Variants in FHL2 observed in about 807,000 individuals in gnomAD.
FHL2 encodes four and a half LIM domains 2.
In FHL2, 20 loss-of-function variants were observed where a neutral mutation model predicts 32.7. The ratio of observed to expected loss-of-function variants is 0.61; its 90% CI spans 0.43 to 0.89. The LOEUF (loss-of-function observed/expected upper bound fraction) is 0.89, where lower values mean the gene tolerates loss of function less well. FHL2 is among the 40% of genes least tolerant of loss of function. FHL2 has a pLI of 0.00. For synonymous variants in FHL2, 123 were observed against 128.1 expected, an observed-to-expected ratio of 0.96 and a Z score of 0.27; for missense variants, 311 against 358.6, an observed-to-expected ratio of 0.87 and a Z score of 1.07.
At chr2:105,438,410 G>A (rs1684677676) in exon 1 of FHL2, 2 of 985,476 alleles carry the variant, frequency 2.0e-6, no homozygotes, top group Non-Finnish European at 2.4e-6. Context: ...TGTGGTTTTA[G>A]GGTTCTGTCT....
chr2:105,425,315 T>A (rs1188519421), intron 1 of FHL2, among the ~76,000 whole-genome samples: 1 of 152,112 alleles, frequency 6.6e-6, no homozygotes, highest in Non-Finnish European at 1.5e-5. Context: ...TCATTGCCAT[T>A]CTCTAGTCTC....
intron 3 of FHL2, among the ~76,000 whole-genome samples, chr2:105,382,382 A>G (rs1253571719): frequency 6.6e-6 from 1 of 152,204 alleles, no homozygotes; most frequent in Non-Finnish European, 1.5e-5. Flanking sequence ...GGCTGCAGGT[A>G]GCAGGTGGCA....
At position 105,367,720 on chromosome 2, in the gene FHL2, G is replaced by A. The variant is rs1553415161; in HGVS notation, c.351C>T (p.Tyr117=). ...TIMPGTRKME[Y]KGSSWHETCF... ...AGGTCTCATGCCAGCTGCTGCCCTT[G>A]TACTCCATCTTGCGGGTACCTGTCA... The change falls in exon 5 of 7, where the codon TAC becomes TAT. Residue 117 remains tyrosine (Y), a synonymous_variant. Transcript: ENST00000530340. 2.5e-6 allele frequency: 4 copies of A among 1,614,040 alleles called. No homozygotes were observed. Among genetic ancestry groups the A allele is most frequent in the Non-Finnish European group, 2.5e-6 (3 of 1,179,946 alleles).
chr2:105,424,230 G>T (rs567184603), intron 1 of FHL2, among the ~76,000 whole-genome samples: 4 of 152,066 alleles, frequency 2.6e-5, no homozygotes, highest in Non-Finnish European at 5.9e-5. Flanking sequence ...ATGAACAGAC[G>T]CTTCTCAAAA....
chr2:105,360,214 A>G (rs541924182), downstream of FHL2: 1 of 151,236 alleles, frequency 6.6e-6, no homozygotes, highest in Non-Finnish European at 1.5e-5. Context: ...GGGCAGGAGA[A>G]TCGCTTGAAC....
At chr2:105,402,237 G>GTC (rs1683498062), upstream of FHL2, among the ~76,000 whole-genome samples, 1 of 143,784 alleles carries the variant, frequency 7.0e-6, no homozygotes, top group African/African-American at 2.7e-5. Flanking sequence ...ATATATATAT[G>GTC]TGTGTGTGTG....
intron 2 of FHL2, among the ~76,000 whole-genome samples, chr2:105,387,926 C>CA (rs1239370637): frequency 6.6e-6 from 1 of 152,048 alleles, no homozygotes; most frequent in Non-Finnish European, 1.5e-5. Flanking sequence ...TATGCAGCCA[C>CA]AAAAAAGAAT....
chr2:105,416,809 C>T (rs941736948), intron 1 of FHL2, among the ~76,000 whole-genome samples: 2 of 152,192 alleles, frequency 1.3e-5, no homozygotes, highest in Non-Finnish European at 2.9e-5. Flanking sequence ...CTAATTTTCA[C>T]CTGAAAACTC....
At chr2:105,399,761 A>AG, upstream of FHL2, 3 of 800,102 alleles carry the variant, frequency 3.7e-6, no homozygotes, top group South Asian at 5.6e-5. Flanking sequence ...GCATTGTCGC[A>AG]GGGAGAGCAC....
chr2:105,379,094 G>A (rs991325690), intron 3 of FHL2, among the ~76,000 whole-genome samples: 1 of 152,140 alleles, frequency 6.6e-6, no homozygotes, highest in Non-Finnish European at 1.5e-5. Context: ...CAATTCAAGG[G>A]CCCAAATGCC....
At chr2:105,411,891 A>G (rs964121342) in intron 1 of FHL2, among the ~76,000 whole-genome samples, 7 of 152,226 alleles carry the variant, frequency 4.6e-5, no homozygotes, top group Admixed American at 2.0e-4. Context: ...GAGGGAAACT[A>G]TTGAGCAGAA....
At chr2:105,423,426 C>T (rs1684165285) in intron 1 of FHL2, among the ~76,000 whole-genome samples, 1 of 152,186 alleles carries the variant, frequency 6.6e-6, no homozygotes, top group Admixed American at 6.5e-5. Flanking sequence ...TTCGATGAAA[C>T]TTCTGACAAT....
rs369123899 is a variant in FHL2, at chr2:105,411,253, A to G, written c.-24-24713T>C. Among the ~76,000 whole-genome samples the G allele has an allele frequency of 1.6e-4, 25 of 152,350 alleles. No individual in the cohort carries two copies. The East Asian group carries it at 3.7e-3, about 22-fold the overall frequency. ...AACTGTAGATGCATTAAAGGTTATTAGCACAATTTCCTAGTATTATCTTTG... is the reference window on the plus strand; with the variant it reads ...AACTGTAGATGCATTAAAGGTTATTGGCACAATTTCCTAGTATTATCTTTG... On this transcript the variant is annotated intron_variant, in intron 1 of 5. Transcript: ENST00000393352.
chr2:105,363,523 T>C lies in FHL2; in HGVS notation c.502-52A>G, dbSNP rs1320944920. On this transcript the variant is annotated intron_variant, in intron 5 of 6. Transcript: ENST00000530340. ...GTGGCCTCTGTGCTTGGCAGACATC[T>C]TCAGTCTCAGCTACTGCCACTGGAC... 2.0e-6 allele frequency: 3 copies of C among 1,504,002 alleles called. No homozygotes were observed. In the African/African-American group the frequency reaches 4.1e-5, roughly 21 times the overall value. The allele number at this position is 1,504,002 out of a possible 1,614,324, so 93.2% of individuals were successfully genotyped here. A position where few individuals can be genotyped will look rare whatever the true frequency, so the allele number is the denominator to read the frequency against.
chr2:105,422,225 T>C (rs1684125576), intron 1 of FHL2, among the ~76,000 whole-genome samples: 3 of 152,234 alleles, frequency 2.0e-5, no homozygotes, highest in Admixed American at 2.0e-4. Flanking sequence ...TTTTATGCTT[T>C]GGGTTTTCAA....
At chr2:105,397,513 C>A (rs58715986) in intron 1 of FHL2, among the ~76,000 whole-genome samples, 1 of 152,060 alleles carries the variant, frequency 6.6e-6, no homozygotes. Flanking sequence ...ACATGCAGTC[C>A]CCGGCATCCC....
intron 2 of FHL2, among the ~76,000 whole-genome samples, chr2:105,395,404 G>T (rs995761220): frequency 2.0e-5 from 3 of 152,080 alleles, no homozygotes; most frequent in African/African-American, 7.2e-5. Context: ...TCATGGCAGG[G>T]GTCTCCTCTC....
Position 105,422,700 on chromosome 2 carries a change from T to C in FHL2, c.-25+15699A>G, listed in dbSNP as rs577542292. ...TGAGAGAAATCAAAATTAAATACTG[T>C]CTGGAGTTTAATACTGCCACGAGAT... On this transcript the variant is annotated intron_variant, in intron 1 of 5. Transcript: ENST00000393352. 2.0e-5 allele frequency among the ~76,000 whole-genome samples: 3 copies of C among 151,738 alleles called. No homozygotes were observed. In the East Asian group the frequency reaches 5.8e-4, roughly 29 times the overall value.
Position 105,373,605 on chromosome 2 carries a change from G to A in FHL2, c.285C>T (p.Asn95=), listed in dbSNP as rs374383740. Residue 95 remains asparagine, a synonymous_variant, in exon 4 of 7, where the codon AAC becomes AAT. Coordinates refer to ENST00000530340, the MANE Select transcript of FHL2 (RefSeq NM_001318895.3). ...ATTCCTGGCACTTGGATGAGTACTC[G>A]TTGGAATAGCAGTCTGTACAGAGCA... ...DQLLCTDCYS[N]EYSSKCQECK... 6.8e-6 allele frequency: 11 copies of A among 1,614,118 alleles called. No individual in the cohort carries two copies. Among genetic ancestry groups the A allele is most frequent in the South Asian group, 3.3e-5 (3 of 91,094 alleles).
Sources: allele counts gnomAD v4.1 joint callset (sites outside exome capture counted in the v4.1 genomes callset), GRCh38; gene constraint gnomAD v4.1.1; transcripts MANE v1.5; gene names NCBI Gene and HGNC (gene_info 2026-07-23, HGNC 2026-07-21).